Variants in SEC13 observed in about 807,000 individuals in gnomAD.
SEC13 encodes protein SEC13 homolog.
In SEC13, 25 loss-of-function variants were observed where a neutral mutation model predicts 49.2. That is an observed-to-expected ratio of 0.51 (90% CI 0.37 to 0.71). The LOEUF (loss-of-function observed/expected upper bound fraction) is 0.71. Among genes scored for constraint, SEC13 ranks in the 30% least tolerant of loss-of-function variants. SEC13 has a pLI of 0.00. For missense variants in SEC13, 383 were observed against 417.6 expected (o/e 0.92, Z 0.72); for synonymous variants, 148 against 163.9 (o/e 0.90, Z 0.74).
rs35898923 is a variant in SEC13 at position 10,311,029 on chromosome 3, T to TA, written c.450+935dup. On this transcript the variant is annotated intron_variant, in intron 5 of 8. Coordinates refer to ENST00000350697, the MANE Select transcript of SEC13 (RefSeq NM_183352.3). ...CATTTCATTATAATGCTGACAAGAT[T>TA]AAAAAAAAAAAAACAACTCCCAGCG... 6.0e-3 allele frequency among the ~76,000 whole-genome samples: 878 copies of TA among 146,044 alleles called. 9 individuals are homozygous for TA. Among genetic ancestry groups the TA allele is most frequent in the African/African-American group, 0.017 (683 of 39,292 alleles).
At chr3:10,301,492 G>A (rs1019191783) in intron 8 of SEC13, 118 bp from the exon 9 acceptor site, 2 of 1,297,818 alleles carry the variant, frequency 1.5e-6, no homozygotes, top group South Asian at 1.3e-5. Flanking sequence ...GGTGAACAGA[G>A]CATGTCCCTC....
In SEC13 at chr3:10,304,113, T is replaced by C; in HGVS notation, c.768A>G (p.Lys256=). The C allele has an allele frequency of 6.2e-7, 1 of 1,614,120 alleles. No homozygotes were observed. The highest frequency in any genetic ancestry group is 8.5e-7 in the Non-Finnish European group (1 of 1,180,014). Residue 256 remains lysine (K), a synonymous_variant, in exon 8 of 9, where the codon AAA becomes AAG. Coordinates refer to ENST00000350697, the MANE Select transcript of SEC13 (RefSeq NM_183352.3). ...DDASSNTWSP[K]LLHKFNDVVW... is the part of the protein sequence containing the mutation. Reference sequence around the variant, plus strand: ...CCACATCGTTGAACTTGTGCAACAATTTAGGGGACCACGTATTGCTTGAGG... The same window carrying C: ...CCACATCGTTGAACTTGTGCAACAACTTAGGGGACCACGTATTGCTTGAGG...
intron 5 of SEC13, among the ~76,000 whole-genome samples, chr3:10,308,268 T>G (rs996490525): frequency 6.6e-6 from 1 of 152,208 alleles, no homozygotes; most frequent in Non-Finnish European, 1.5e-5. Flanking sequence ...GTGGTGACCA[T>G]GGGCCTGCTC....
Position 10,301,077 on chromosome 3 carries a change from C to T in SEC13, c.*184G>A, listed in dbSNP as rs1286154647. 1 of 1,611,394 alleles carries T rather than the reference C, an allele frequency of 6.2e-7. No homozygotes were observed. Among genetic ancestry groups the T allele is most frequent in the Non-Finnish European group, 8.5e-7 (1 of 1,179,576 alleles). ...CGTAACATGAGTGCTTTCAGCTGGA[C>T]AGTAGATTACAAAGCATCTCCGATC... On this transcript the variant is annotated 3_prime_UTR_variant, in exon 9 of 9. Coordinates refer to ENST00000350697, the MANE Select transcript of SEC13 (RefSeq NM_183352.3).
chr3:10,314,744 G>A (rs1198953054), intron 3 of SEC13, among the ~76,000 whole-genome samples: 1 of 152,202 alleles, frequency 6.6e-6, no homozygotes, highest in Non-Finnish European at 1.5e-5. Flanking sequence ...AGGGAGCAGG[G>A]CAGGTCAAAC....
chr3:10,304,713 C>T (rs560425807), intron 7 of SEC13, among the ~76,000 whole-genome samples: 98 of 152,294 alleles, frequency 6.4e-4, no homozygotes, highest in African/African-American at 2.2e-3. Flanking sequence ...CCAACCCCAT[C>T]GTTGCTTGGG....
At chr3:10,302,277 T>C (rs543216531) in intron 8 of SEC13, among the ~76,000 whole-genome samples, 1 of 152,204 alleles carries the variant, frequency 6.6e-6, no homozygotes, top group East Asian at 1.9e-4. Flanking sequence ...TAAACCTATG[T>C]ACATATATTA....
chr3:10,317,740 C>T lies in SEC13; in HGVS notation c.48+310G>A, dbSNP rs190214700. 7.4e-4 allele frequency among the ~76,000 whole-genome samples: 112 copies of T among 152,124 alleles called. 1 individual carries two copies. The highest frequency in any genetic ancestry group is 2.3e-3 in the African/African-American group (97 of 41,496). On this transcript the variant is annotated intron_variant, in intron 2 of 8. Transcript: ENST00000350697. ...GGTGGGAAGACTATTGTCAAGCCTC[C>T]GTACCCACTCAGCCTTCATCCGAGA...
chr3:10,303,257 G>A (rs1190405184), intron 8 of SEC13, among the ~76,000 whole-genome samples: 1 of 152,224 alleles, frequency 6.6e-6, no homozygotes, highest in Non-Finnish European at 1.5e-5. Flanking sequence ...AGACCAACTC[G>A]CACTTCAGGC....
rs1277478177 is a variant in SEC13, at chr3:10,305,672, G to A, written c.471C>T (p.Ser157=). 1.2e-6 allele frequency: 2 copies of A among 1,614,206 alleles called. No homozygotes were observed. Among genetic ancestry groups the A allele is most frequent in the Admixed American group, 1.7e-5 (1 of 60,026 alleles). ...NAHTIGCNAV[S]WAPAVVPGSL... ...TTCCAGGTACAACAGCAGGGGCCCA[G>A]CTGACGGCATTGCAGCCAATCTGTA... Residue 157 remains serine, a synonymous_variant, in exon 6 of 9, where the codon AGC becomes AGT. Transcript: ENST00000350697.
chr3:10,301,364 C>T lies in SEC13; in HGVS notation c.866G>A (p.Trp289Ter). 1 of 1,614,174 alleles carries T rather than the reference C, an allele frequency of 6.2e-7. No individual in the cohort carries two copies. Among genetic ancestry groups the T allele is most frequent in the Non-Finnish European group, 8.5e-7 (1 of 1,180,048 alleles). ...CCACTGCCCATCAACTGACTCCTTCCACAGGGTCACCTGCGAGTCAGTGCA... is the reference window on the plus strand; with the variant it reads ...CCACTGCCCATCAACTGACTCCTTCTACAGGGTCACCTGCGAGTCAGTGCA... ...VSGGDNKVTL[W>*]KESVDGQWVC... The change falls in exon 9 of 9, where the codon TGG becomes TAG. Residue 289 changes from tryptophan to a stop codon, truncating the protein, a stop_gained. Transcript: ENST00000350697. LOFTEE classifies it high-confidence loss of function.
At position 10,320,801 on chromosome 3, in the gene SEC13, A is replaced by G. The variant is rs2125295873; in HGVS notation, c.3+249T>C. On this transcript the variant is annotated intron_variant, in intron 1 of 8. Coordinates refer to ENST00000350697, the MANE Select transcript of SEC13 (RefSeq NM_183352.3). ...TGTTTTCAATTGTTGACCGAAAAGAAGGAAGGGAGACTGGCAGGAGACGCA... is the reference window on the plus strand; with the variant it reads ...TGTTTTCAATTGTTGACCGAAAAGAGGGAAGGGAGACTGGCAGGAGACGCA... 2.3e-6 allele frequency: 3 copies of G among 1,331,544 alleles called. No individual in the cohort carries two copies. The South Asian group carries it at 6.4e-5, about 28-fold the overall frequency. The allele number at this position is 1,331,544 out of a possible 1,614,324, so 82.5% of individuals were successfully genotyped here. A position where few individuals can be genotyped will look rare whatever the true frequency, so the allele number is the denominator to read the frequency against.
At chr3:10,307,167 A>G (rs1361547825) in intron 5 of SEC13, among the ~76,000 whole-genome samples, 1 of 150,444 alleles carries the variant, frequency 6.6e-6, no homozygotes, top group African/African-American at 2.4e-5. Context: ...TGATCCTCCC[A>G]CCTCAGACTC....
intron 8 of SEC13, 119 bp from the exon 9 acceptor site, chr3:10,301,493 C>A (rs1249790662): frequency 4.7e-6 from 6 of 1,272,064 alleles, no homozygotes; most frequent in Non-Finnish European, 6.6e-6. Context: ...GTGAACAGAG[C>A]ATGTCCCTCC....
intron 5 of SEC13, among the ~76,000 whole-genome samples, chr3:10,306,120 AT>A (rs558288225): frequency 3.3e-5 from 5 of 151,824 alleles, no homozygotes; most frequent in South Asian, 4.2e-4. Flanking sequence ...CTTCTAACCC[AT>A]TTTCCCCCCA....
intron 5 of SEC13, among the ~76,000 whole-genome samples, chr3:10,307,245 G>T (rs571423792): frequency 6.7e-6 from 1 of 149,374 alleles, no homozygotes; most frequent in East Asian, 2.0e-4. Flanking sequence ...GTCTGGCTCT[G>T]TTGCCCAGGA....
At chr3:10,311,043 C>CAACT (rs2125266332) in intron 5 of SEC13, among the ~76,000 whole-genome samples, 1 of 147,532 alleles carries the variant, frequency 6.8e-6, no homozygotes, top group African/African-American at 2.5e-5. Flanking sequence ...AAAAAAAAAA[C>CAACT]AACTCCCAGC....
intron 8 of SEC13, among the ~76,000 whole-genome samples, chr3:10,301,783 C>T (rs757258173): frequency 4.9e-4 from 74 of 152,236 alleles, no homozygotes; most frequent in Non-Finnish European, 9.3e-4. Flanking sequence ...GTGGGGCTGG[C>T]AATCTGTTTT....
intron 2 of SEC13, among the ~76,000 whole-genome samples, chr3:10,316,083 G>A (rs1701586282): frequency 6.6e-6 from 1 of 152,310 alleles, no homozygotes; most frequent in African/African-American, 2.4e-5. Context: ...AATGCCTTAA[G>A]TGTCGCTGCT....
Sources: gnomAD v4.1 joint callset for allele counts (sites outside exome capture counted in the v4.1 genomes callset) on GRCh38, gnomAD v4.1.1 for gene constraint, MANE v1.5 for transcripts, NCBI Gene and HGNC (gene_info 2026-07-23, HGNC 2026-07-21) for gene names.